Variants in TSPAN9 observed in about 807,000 individuals in gnomAD.
TSPAN9 encodes tetraspanin-9.
A neutral mutation model predicts 31.0 loss-of-function variants in TSPAN9; 16 were observed. That is an observed-to-expected ratio of 0.52 (90% CI 0.35 to 0.78). The LOEUF is 0.78. Ranked by LOEUF, TSPAN9 falls within the 30% of genes least tolerant of loss-of-function variation. The probability of loss-of-function intolerance (pLI) is 0.01; values close to 1 mark genes in which losing one functional copy is unlikely to be tolerated. For missense variants in TSPAN9, 272 were observed against 312.5 expected, an observed-to-expected ratio of 0.87 and a Z score of 0.98; for synonymous variants, 145 against 121.6, an observed-to-expected ratio of 1.19 and a Z score of -1.27.
At chr12:3,112,238 C>T (rs1396354515) in intron 2 of TSPAN9, among the ~76,000 whole-genome samples, 1 of 147,228 alleles carries the variant, frequency 6.8e-6, no homozygotes, top group Non-Finnish European at 1.5e-5. Flanking sequence ...AGTACAATGG[C>T]ACGATCTCGG....
intron 2 of TSPAN9, among the ~76,000 whole-genome samples, chr12:3,186,481 T>C (rs1162157719): frequency 6.6e-6 from 1 of 151,932 alleles, no homozygotes; most frequent in East Asian, 1.9e-4. Flanking sequence ...ATGTAAAGTC[T>C]CCAATGTAAG....
intron 3 of TSPAN9, among the ~76,000 whole-genome samples, chr12:3,272,169 C>G (rs1175534640): frequency 6.6e-6 from 1 of 152,116 alleles, no homozygotes; most frequent in East Asian, 1.9e-4. Flanking sequence ...TGCCAGAAGC[C>G]CAGGTGCCTT....
At chr12:3,117,667 T>C (rs577275822) in intron 2 of TSPAN9, among the ~76,000 whole-genome samples, 15 of 152,296 alleles carry the variant, frequency 9.8e-5, no homozygotes, top group African/African-American at 3.4e-4. Flanking sequence ...TTCTTTGTAA[T>C]TGTGCTCCAG....
At chr12:3,189,554 G>C (rs1307358208) in intron 2 of TSPAN9, among the ~76,000 whole-genome samples, 1 of 152,108 alleles carries the variant, frequency 6.6e-6, no homozygotes, top group Admixed American at 6.5e-5. Context: ...GTTACAACAG[G>C]AACAGACCTG....
chr12:3,168,287 A>G lies in TSPAN9; in HGVS notation c.-17-32890A>G, dbSNP rs538179927. On this transcript the variant is annotated intron_variant, in intron 2 of 8. Coordinates refer to ENST00000011898, the MANE Select transcript of TSPAN9 (RefSeq NM_006675.5). This position sits in a 1 kb window ranked among gnomAD's most constrained non-coding sequence, Gnocchi z 4.0. ...GATGCTTCAAACCTTTTTAGTTGCT[A>G]AGGTCTTCATAAAATCTCCCCTCTA... is the stretch of plus-strand genomic sequence containing the variant. Among the ~76,000 whole-genome samples the G allele has an allele frequency of 1.3e-4, 20 of 152,280 alleles. No homozygotes were observed. Among genetic ancestry groups the G allele is most frequent in the African/African-American group, 4.1e-4 (17 of 41,550 alleles).
At chr12:3,161,266 A>C (rs760940221) in intron 2 of TSPAN9, among the ~76,000 whole-genome samples, 44 of 152,166 alleles carry the variant, frequency 2.9e-4, no homozygotes, top group Non-Finnish European at 1.5e-5. Context: ...CAATTTATCT[A>C]ATTTTTCTTT....
In TSPAN9 at chr12:3,231,713, C is replaced by T. The variant is rs185606420; in HGVS notation, c.63+30457C>T. Among the ~76,000 whole-genome samples the T allele has an allele frequency of 2.7e-3, 413 of 152,340 alleles. 1 individual carries two copies. Among genetic ancestry groups the T allele is most frequent in the Non-Finnish European group, 3.5e-3 (239 of 68,016 alleles). ...GGGTTCGCTCCAGGTTGTGGGCGGG[C>T]GGCGCCTTCAGATGATCTCCCGGCT... On this transcript the variant is annotated intron_variant, in intron 3 of 8. Coordinates refer to ENST00000011898, the MANE Select transcript of TSPAN9 (RefSeq NM_006675.5).
At chr12:3,177,051 C>T (rs549299534) in intron 2 of TSPAN9, among the ~76,000 whole-genome samples, 27 of 152,106 alleles carry the variant, frequency 1.8e-4, no homozygotes, top group Middle Eastern at 3.2e-3. Flanking sequence ...GTGGTGGGAC[C>T]CCCAGGAGAT....
At chr12:3,144,909 T>C (rs981288969) in intron 2 of TSPAN9, among the ~76,000 whole-genome samples, 1 of 152,260 alleles carries the variant, frequency 6.6e-6, no homozygotes, top group Admixed American at 6.5e-5. Context: ...ATTTGTCCCT[T>C]TTCCCTATTC....
intron 3 of TSPAN9, among the ~76,000 whole-genome samples, chr12:3,268,889 C>T (rs1384093281): frequency 4.2e-5 from 5 of 119,656 alleles, no homozygotes; most frequent in African/African-American, 7.0e-5. Flanking sequence ...TTCCTGCAGC[C>T]TGCCCTCTCT....
At chr12:3,088,689 T>A (rs2098302061) in intron 2 of TSPAN9, among the ~76,000 whole-genome samples, 1 of 152,144 alleles carries the variant, frequency 6.6e-6, no homozygotes, top group Non-Finnish European at 1.5e-5. Flanking sequence ...TTGGCATCCA[T>A]TTGAGAAACT....
At chr12:3,211,808 C>A in intron 3 of TSPAN9, 1 of 1,594,354 alleles carries the variant, frequency 6.3e-7, no homozygotes, top group Non-Finnish European at 8.5e-7. Flanking sequence ...GCATCCTGGG[C>A]ATTTCACATC....
intron 3 of TSPAN9, among the ~76,000 whole-genome samples, chr12:3,210,738 C>G (rs1345396097): frequency 7.5e-6 from 1 of 132,888 alleles, no homozygotes; most frequent in Admixed American, 7.7e-5. Flanking sequence ...TCATGGATGT[C>G]TTTTTTTTTT....
intron 3 of TSPAN9, among the ~76,000 whole-genome samples, chr12:3,226,196 G>A (rs2098387055): frequency 6.6e-6 from 1 of 152,134 alleles, no homozygotes; most frequent in South Asian, 2.1e-4. Flanking sequence ...TGAGGGGCTG[G>A]TAGAGTTAGG....
intron 2 of TSPAN9, among the ~76,000 whole-genome samples, chr12:3,090,967 G>A (rs1218193773): frequency 6.6e-6 from 1 of 152,238 alleles, no homozygotes. Flanking sequence ...TGTGCACGCG[G>A]CTAGCGCTGG....
intron 2 of TSPAN9, among the ~76,000 whole-genome samples, chr12:3,163,537 G>C (rs2098346638): frequency 6.6e-6 from 1 of 152,168 alleles, no homozygotes; most frequent in Non-Finnish European, 1.5e-5. Flanking sequence ...AACAAAGTCT[G>C]CTTAACTATA....
At chr12:3,130,730 C>T (rs1307260108) in intron 2 of TSPAN9, among the ~76,000 whole-genome samples, 1 of 152,176 alleles carries the variant, frequency 6.6e-6, no homozygotes, top group Non-Finnish European at 1.5e-5. Context: ...CTACACAAAA[C>T]GCTTAGCAGA....
At chr12:3,110,126 T>C (rs1389058820) in intron 2 of TSPAN9, among the ~76,000 whole-genome samples, 1 of 150,578 alleles carries the variant, frequency 6.6e-6, no homozygotes, top group Admixed American at 6.6e-5. Flanking sequence ...AGACCGGGAG[T>C]GGGCTTTTTC....
At chr12:3,206,949 A>G (rs549260167) in intron 3 of TSPAN9, among the ~76,000 whole-genome samples, 2 of 152,208 alleles carry the variant, frequency 1.3e-5, no homozygotes, top group East Asian at 3.9e-4. Flanking sequence ...GGGAAGAGAG[A>G]ACACATTGGT....
Sources: allele counts gnomAD v4.1 joint callset (sites outside exome capture counted in the v4.1 genomes callset), GRCh38; gene constraint gnomAD v4.1.1; non-coding constraint Gnocchi (gnomAD v3.1); transcripts MANE v1.5; gene names NCBI Gene and HGNC (gene_info 2026-07-23, HGNC 2026-07-21).